The following NDUFA10 variants were observed in gnomAD, a reference collection of about 807,000 sequenced individuals.
NDUFA10 encodes NADH:ubiquinone oxidoreductase subunit A10, also known as NADH dehydrogenase [ubiquinone] 1 alpha subcomplex subunit 10, mitochondrial.
A neutral mutation model predicts 47.8 loss-of-function variants in NDUFA10; 40 were observed. That is an observed-to-expected ratio of 0.84 (90% CI 0.65 to 1.09). The LOEUF (loss-of-function observed/expected upper bound fraction) is 1.09. Among genes scored for constraint, NDUFA10 ranks in the 50% least tolerant of loss-of-function variants. The pLI is 0.00. For missense variants in NDUFA10, 413 were observed against 451.1 expected (o/e 0.92, Z 0.76); for synonymous variants, 183 against 172.2 (o/e 1.06, Z -0.49).
intron 2 of NDUFA10, among the ~76,000 whole-genome samples, chr2:240,021,755 A>G (rs77864797): frequency 0.026 from 3,940 of 152,320 alleles, 180 homozygotes; most frequent in African/African-American, 0.091. Context: ...ACCAGGAGTC[A>G]GGAAGGGGCT....
At chr2:239,948,614 G>A (rs562929005) in intron 4 of NDUFA10, among the ~76,000 whole-genome samples, 87 of 152,338 alleles carry the variant, frequency 5.7e-4, no homozygotes, top group South Asian at 6.2e-4. Context: ...AATACACGTC[G>A]GTGGGACCCG....
intron 9 of NDUFA10, chr2:239,969,351 T>G: frequency 5.2e-6 from 1 of 191,596 alleles, no homozygotes; most frequent in African/African-American, 2.3e-5. Flanking sequence ...TTCTATTGGA[T>G]AAGTGTGGTG....
intron 5 of NDUFA10, among the ~76,000 whole-genome samples, chr2:239,894,591 C>T (rs1283560934): frequency 6.6e-6 from 1 of 152,126 alleles, no homozygotes; most frequent in Non-Finnish European, 1.5e-5. Context: ...CCCAGTGGGC[C>T]ATTTCAGGAC....
chr2:239,947,062 G>A (rs981951616), intron 4 of NDUFA10, among the ~76,000 whole-genome samples: 8 of 152,108 alleles, frequency 5.3e-5, no homozygotes, highest in Admixed American at 2.6e-4. Flanking sequence ...CCTGAAGCCC[G>A]GTGCTCAGCA....
chr2:239,986,701 A>ATT (rs1157207374), intron 9 of NDUFA10, among the ~76,000 whole-genome samples: 1 of 152,212 alleles, frequency 6.6e-6, no homozygotes, highest in Non-Finnish European at 1.5e-5. Context: ...GAAAATTATA[A>ATT]TTTGGCAATC....
chr2:239,910,869 G>A (rs1189032735), intron 4 of NDUFA10, among the ~76,000 whole-genome samples: 1 of 152,182 alleles, frequency 6.6e-6, no homozygotes, highest in Non-Finnish European at 1.5e-5. Context: ...CCTTCTGGAG[G>A]CCCCGGCTCC....
chr2:239,921,937 CTTCT>C (rs1693992938), intron 4 of NDUFA10, among the ~76,000 whole-genome samples: 1 of 151,324 alleles, frequency 6.6e-6, no homozygotes, highest in African/African-American at 2.4e-5. Context: ...TCCTTCCTTC[CTTCT>C]TTCCTTTCCT....
At chr2:239,994,145 G>A (rs899383052) in intron 8 of NDUFA10, among the ~76,000 whole-genome samples, 2 of 152,094 alleles carry the variant, frequency 1.3e-5, no homozygotes, top group African/African-American at 4.8e-5. Context: ...TTAACTATGA[G>A]ATTTCAGACA....
At chr2:239,933,713 G>C (rs547446445) in intron 4 of NDUFA10, among the ~76,000 whole-genome samples, 113 of 152,182 alleles carry the variant, frequency 7.4e-4, no homozygotes, top group African/African-American at 2.7e-3. Context: ...GGTGCTCCAA[G>C]GATCTAAGGA....
chr2:239,895,555 T>C lies in NDUFA10; in HGVS notation c.295-241A>G, dbSNP rs111962961. ...CAAAACTTTTCCTTTTCCTCTGTTC[T>C]CTCTAATAATTTACCATTGTTATTT... is the stretch of plus-strand genomic sequence containing the variant. On this transcript the variant is annotated intron_variant, in intron 4 of 5. Transcript: ENST00000419408. 5.9e-3 allele frequency among the ~76,000 whole-genome samples: 894 copies of C among 152,364 alleles called. 5 individuals carry two copies. The highest frequency in any genetic ancestry group is 0.021 in the African/African-American group (866 of 41,590).
At chr2:240,022,511 G>A (rs1300228529) in intron 1 of NDUFA10, among the ~76,000 whole-genome samples, 171 bp from the exon 2 acceptor site, 2 of 151,992 alleles carry the variant, frequency 1.3e-5, no homozygotes, top group African/African-American at 4.8e-5. Context: ...CCACCACTCT[G>A]TCCATGTAAG....
intron 9 of NDUFA10, among the ~76,000 whole-genome samples, chr2:239,965,995 CA>C (rs961334173): frequency 6.6e-6 from 1 of 152,108 alleles, no homozygotes; most frequent in Non-Finnish European, 1.5e-5. Flanking sequence ...CATTAGAAAT[CA>C]AAAAGGAAGT....
intron 4 of NDUFA10, among the ~76,000 whole-genome samples, chr2:239,918,108 G>A (rs1293980275): frequency 6.6e-6 from 1 of 152,170 alleles, no homozygotes; most frequent in Non-Finnish European, 1.5e-5. Context: ...GCCTGGGCCT[G>A]AATTATGGGG....
chr2:239,996,999 T>C (rs1270704937), intron 8 of NDUFA10, among the ~76,000 whole-genome samples: 3 of 152,106 alleles, frequency 2.0e-5, no homozygotes, highest in Non-Finnish European at 4.4e-5. Flanking sequence ...TCTAATACAA[T>C]GTAAATGCTA....
intron 4 of NDUFA10, among the ~76,000 whole-genome samples, chr2:239,948,965 C>T (rs1034737551): frequency 5.9e-5 from 9 of 152,350 alleles, no homozygotes; most frequent in Admixed American, 2.0e-4. Flanking sequence ...CAGGGCACCC[C>T]CTTCTGCCCC....
intron 9 of NDUFA10, among the ~76,000 whole-genome samples, chr2:239,979,603 G>A (rs1176358099): frequency 6.6e-6 from 1 of 152,124 alleles, no homozygotes; most frequent in Non-Finnish European, 1.5e-5. Context: ...AAAAGAGACA[G>A]TGCCTACTCT....
intron 4 of NDUFA10, among the ~76,000 whole-genome samples, chr2:239,908,037 T>C (rs368063976): frequency 1.3e-5 from 2 of 152,124 alleles, no homozygotes; most frequent in Non-Finnish European, 2.9e-5. Context: ...GAAAATGTGG[T>C]ACATATACAC....
intron 9 of NDUFA10, among the ~76,000 whole-genome samples, chr2:239,965,170 G>A (rs1334318163): frequency 1.3e-5 from 2 of 152,130 alleles, no homozygotes; most frequent in Non-Finnish European, 2.9e-5. Flanking sequence ...GCTAAGTCCA[G>A]CCAGTGGCCA....
intron 4 of NDUFA10, among the ~76,000 whole-genome samples, chr2:239,935,870 CCT>C (rs980961144): frequency 6.6e-5 from 10 of 152,216 alleles, no homozygotes; most frequent in African/African-American, 2.4e-4. Flanking sequence ...GTCCATTAAA[CCT>C]CTTTTTCTTT....
Sources: gnomAD v4.1 joint callset for allele counts (sites outside exome capture counted in the v4.1 genomes callset) on GRCh38, gnomAD v4.1.1 for gene constraint, MANE v1.5 for transcripts, NCBI Gene and HGNC (gene_info 2026-07-23, HGNC 2026-07-21) for gene names.